NEMP2: variants seen among roughly 807,000 people sequenced by gnomAD.
The protein encoded by NEMP2 is nuclear envelope integral membrane protein 2.
A neutral mutation model predicts 54.2 loss-of-function variants in NEMP2; 53 were observed. The ratio of observed to expected loss-of-function variants is 0.98; its 90% CI spans 0.78 to 1.23. The LOEUF (loss-of-function observed/expected upper bound fraction) is 1.23. NEMP2 is among the 50% of genes most tolerant of loss of function. The pLI is 0.00. For synonymous variants in NEMP2, 197 were observed against 190.3 expected (o/e 1.04, Z -0.29); for missense variants, 455 against 511.3 (o/e 0.89, Z 1.06).
the NEMP2 span, among the ~76,000 whole-genome samples, chr2:190,635,525 G>T: frequency 6.6e-6 from 1 of 152,148 alleles, no homozygotes; most frequent in Admixed American, 6.5e-5. The surrounding 1 kb of genome is among the most constrained non-coding windows in gnomAD (Gnocchi z 4.1). Flanking sequence ...CTTGCAACTT[G>T]ATTTTTGGTC....
chr2:190,641,043 C>G, the NEMP2 span: 1 of 152,152 alleles, frequency 6.6e-6, no homozygotes, highest in Admixed American at 6.5e-5. Flanking sequence ...CCCAACACTC[C>G]CATCTGTCCC....
the NEMP2 span, among the ~76,000 whole-genome samples, chr2:190,460,885 T>A: frequency 6.6e-6 from 1 of 152,226 alleles, no homozygotes; most frequent in African/African-American, 2.4e-5. Context: ...ATCTTCTTCA[T>A]ATCAGCAATT....
intron 6 of NEMP2, among the ~76,000 whole-genome samples, chr2:190,515,832 G>C (rs1690535645): frequency 6.6e-6 from 1 of 152,142 alleles, no homozygotes; most frequent in Non-Finnish European, 1.5e-5. Flanking sequence ...CTTAGCCTCT[G>C]TGTTTCTGAA....
the NEMP2 span, among the ~76,000 whole-genome samples, chr2:190,542,348 A>G: frequency 6.6e-6 from 1 of 152,146 alleles, no homozygotes; most frequent in Non-Finnish European, 1.5e-5. This position sits in a 1 kb window ranked among gnomAD's most constrained non-coding sequence, Gnocchi z 4.6. Context: ...AGTAGCTGGG[A>G]CTACAGGAGT....
At chr2:190,608,765 T>C in the NEMP2 span, 2 of 152,110 alleles carry the variant, frequency 1.3e-5, no homozygotes, top group African/African-American at 4.8e-5. This position sits in a 1 kb window ranked among gnomAD's most constrained non-coding sequence, Gnocchi z 4.9. Flanking sequence ...TACAGAACAA[T>C]GGGATATTTT....
the NEMP2 span, among the ~76,000 whole-genome samples, chr2:190,556,965 G>GA: frequency 2.0e-5 from 3 of 152,128 alleles, no homozygotes; most frequent in African/African-American, 7.2e-5. Context: ...CACAGATCTA[G>GA]AAAAAATTAC....
At chr2:190,524,012 G>A (rs1690843656) in intron 2 of NEMP2, among the ~76,000 whole-genome samples, 1 of 151,388 alleles carries the variant, frequency 6.6e-6, no homozygotes, top group South Asian at 2.1e-4. Context: ...GTAGACTCAT[G>A]GGCAACATGG....
At chr2:190,453,270 C>A in the NEMP2 span, among the ~76,000 whole-genome samples, 259 of 152,008 alleles carry the variant, frequency 1.7e-3, 2 homozygotes, top group Admixed American at 0.015. Flanking sequence ...AGGAGAAGAA[C>A]CCAGGAAGAG....
At chr2:190,476,418 G>T in the NEMP2 span, among the ~76,000 whole-genome samples, 2 of 152,202 alleles carry the variant, frequency 1.3e-5, no homozygotes, top group Non-Finnish European at 2.9e-5. Context: ...CTTCTCAAAA[G>T]AAGACATTTA....
chr2:190,441,180 T>A, the NEMP2 span, among the ~76,000 whole-genome samples: 21,253 of 152,086 alleles, frequency 0.14, 1,705 homozygotes, highest in Middle Eastern at 0.21. Flanking sequence ...GGCTCTCAGA[T>A]CCTCTCCTTG....
the NEMP2 span, chr2:190,437,040 G>C: frequency 6.2e-7 from 1 of 1,614,208 alleles, no homozygotes; most frequent in South Asian, 1.1e-5. The surrounding 1 kb of genome is among the most constrained non-coding windows in gnomAD (Gnocchi z 5.9). Context: ...GCTGGGGCCT[G>C]GCGATGCTGT....
At chr2:190,465,624 C>T in the NEMP2 span, among the ~76,000 whole-genome samples, 50 of 152,258 alleles carry the variant, frequency 3.3e-4, 1 homozygote, top group Non-Finnish European at 3.2e-4. This position sits in a 1 kb window ranked among gnomAD's most constrained non-coding sequence, Gnocchi z 4.6. Flanking sequence ...ATTAGCAAAT[C>T]CCTAACTGTA....
chr2:190,502,186 C>CGATA (rs1690055165), downstream of NEMP2: 1 of 152,190 alleles, frequency 6.6e-6, no homozygotes, highest in South Asian at 2.1e-4. This position sits in a 1 kb window ranked among gnomAD's most constrained non-coding sequence, Gnocchi z 4.4. Context: ...ACAGCAGAAT[C>CGATA]GATAATGCAG....
At chr2:190,611,485 G>C in the NEMP2 span, among the ~76,000 whole-genome samples, 2 of 152,062 alleles carry the variant, frequency 1.3e-5, no homozygotes, top group East Asian at 3.9e-4. The surrounding 1 kb of genome is among the most constrained non-coding windows in gnomAD (Gnocchi z 5.4). Context: ...TACAATTTTT[G>C]TTAAAGAGCA....
the NEMP2 span, chr2:190,454,638 T>C: frequency 6.6e-6 from 1 of 152,186 alleles, no homozygotes; most frequent in Non-Finnish European, 1.5e-5. The surrounding 1 kb of genome is among the most constrained non-coding windows in gnomAD (Gnocchi z 4.6). Context: ...AACCCAGACA[T>C]GCTGGTATCC....
chr2:190,619,532 T>C, the NEMP2 span, among the ~76,000 whole-genome samples: 4 of 151,900 alleles, frequency 2.6e-5, no homozygotes, highest in Admixed American at 6.6e-5. The surrounding 1 kb of genome is among the most constrained non-coding windows in gnomAD (Gnocchi z 5.5). Context: ...AAAAGACTCA[T>C]AGCAACCCAT....
At chr2:190,497,744 A>C in the NEMP2 span, 1 of 1,595,560 alleles carries the variant, frequency 6.3e-7, no homozygotes, top group Non-Finnish European at 8.6e-7. This position sits in a 1 kb window ranked among gnomAD's most constrained non-coding sequence, Gnocchi z 5.2. Flanking sequence ...CTGGGCTAGC[A>C]ATATTACCTG....
the NEMP2 span, among the ~76,000 whole-genome samples, chr2:190,579,445 C>T: frequency 1.3e-5 from 2 of 151,854 alleles, no homozygotes; most frequent in Non-Finnish European, 2.9e-5. Context: ...GGGGGAATTC[C>T]AGCAGCAAAT....
the NEMP2 span, among the ~76,000 whole-genome samples, chr2:190,595,667 AT>A: frequency 6.6e-6 from 1 of 152,238 alleles, no homozygotes; most frequent in Admixed American, 6.5e-5. The surrounding 1 kb of genome is among the most constrained non-coding windows in gnomAD (Gnocchi z 4.0). Flanking sequence ...ATCACTGGTC[AT>A]TAGAGAAACG....
Sources: gnomAD v4.1 joint callset for allele counts (sites outside exome capture counted in the v4.1 genomes callset) on GRCh38, gnomAD v4.1.1 for gene constraint, Gnocchi (gnomAD v3.1) non-coding constraint, MANE v1.5 for transcripts, NCBI Gene and HGNC (gene_info 2026-07-23, HGNC 2026-07-21) for gene names.